Variants in ANO3 observed in about 807,000 individuals in gnomAD.
ANO3 encodes the protein anoctamin-3.
In ANO3, 99 loss-of-function variants were observed where a neutral mutation model predicts 144.8. That is an observed-to-expected ratio of 0.68 (90% CI 0.58 to 0.81). ANO3 has a LOEUF of 0.81. ANO3 is among the 30% of genes least tolerant of loss of function. The probability of loss-of-function intolerance (pLI) is 0.00; values close to 1 mark genes in which losing one functional copy is unlikely to be tolerated. For synonymous variants in ANO3, 414 were observed against 392.6 expected (o/e 1.05, Z -0.64); for missense variants, 905 against 1,202.2 (o/e 0.75, Z 3.66).
chr11:26,438,418 A>G (rs533811058), intron 1 of ANO3, among the ~76,000 whole-genome samples: 2 of 151,960 alleles, frequency 1.3e-5, no homozygotes, highest in Admixed American at 1.3e-4. Context: ...ACTTACCCCC[A>G]AAGTGATTAT....
At chr11:26,415,630 T>A (rs1490441299) in intron 1 of ANO3, among the ~76,000 whole-genome samples, 1 of 152,062 alleles carries the variant, frequency 6.6e-6, no homozygotes, top group Non-Finnish European at 1.5e-5. Context: ...ATTTTCCTTT[T>A]TAAAGAATAG....
chr11:26,229,339 C>T (rs934877296), intron 1 of ANO3, among the ~76,000 whole-genome samples: 2 of 152,032 alleles, frequency 1.3e-5, no homozygotes, highest in Non-Finnish European at 2.9e-5. Context: ...TGGTATGATG[C>T]GTAGATCTGC....
intron 1 of ANO3, among the ~76,000 whole-genome samples, chr11:26,251,338 T>G (rs746753455): frequency 4.6e-5 from 7 of 152,164 alleles, no homozygotes; most frequent in Non-Finnish European, 7.4e-5. Context: ...GCTATCTAAT[T>G]CTAGGTCTTA....
At chr11:26,306,707 C>T (rs989261362), upstream of ANO3, among the ~76,000 whole-genome samples, 2 of 152,142 alleles carry the variant, frequency 1.3e-5, no homozygotes, top group African/African-American at 4.8e-5. Context: ...GAATTGCCCC[C>T]AAAATCAGTA....
chr11:26,210,804 A>G, intron 1 of ANO3, among the ~76,000 whole-genome samples: 1 of 152,016 alleles, frequency 6.6e-6, no homozygotes, highest in East Asian at 1.9e-4. Flanking sequence ...GGTGTATAGG[A>G]ATGCTTGTGA....
rs914580920 is a variant in ANO3, at chr11:26,654,993, C to A, written c.2577-1132C>A. ...CTATAGAAAATTTAAACTTATCTTTCTGCCCCCACTGCCTCAAAAGTTTGA... is the reference window on the plus strand; with the variant it reads ...CTATAGAAAATTTAAACTTATCTTTATGCCCCCACTGCCTCAAAAGTTTGA... On this transcript the variant is annotated intron_variant, in intron 24 of 26. Coordinates refer to ENST00000256737, the MANE Select transcript of ANO3 (RefSeq NM_031418.4). 2.9e-4 allele frequency among the ~76,000 whole-genome samples: 44 copies of A among 151,728 alleles called. 1 individual carries two copies. Among genetic ancestry groups the A allele is most frequent in the Admixed American group, 2.6e-3 (39 of 15,164 alleles).
intron 1 of ANO3, among the ~76,000 whole-genome samples, chr11:26,381,017 A>G (rs1856576633): frequency 6.6e-6 from 1 of 152,054 alleles, no homozygotes; most frequent in Admixed American, 6.6e-5. Context: ...AAAGAAAAAC[A>G]CAATCTAAAT....
At chr11:26,329,033 C>A (rs1273819187), upstream of ANO3, among the ~76,000 whole-genome samples, 3 of 151,532 alleles carry the variant, frequency 2.0e-5, no homozygotes, top group African/African-American at 7.3e-5. Flanking sequence ...ATATAAAATA[C>A]ACATTTTGCA....
intron 3 of ANO3, among the ~76,000 whole-genome samples, chr11:26,457,453 G>A (rs952461566): frequency 6.6e-6 from 1 of 151,512 alleles, no homozygotes; most frequent in Non-Finnish European, 1.5e-5. Flanking sequence ...GACTTTTTTG[G>A]TAGCCCTAAA....
intron 1 of ANO3, among the ~76,000 whole-genome samples, chr11:26,359,102 G>A (rs1855858585): frequency 6.6e-6 from 1 of 152,166 alleles, no homozygotes; most frequent in South Asian, 2.1e-4. Flanking sequence ...TGCTTTGAAT[G>A]TCTAAAAATT....
chr11:26,418,955 A>G (rs895289537), intron 1 of ANO3, among the ~76,000 whole-genome samples: 1 of 152,120 alleles, frequency 6.6e-6, no homozygotes, highest in East Asian at 1.9e-4. Context: ...AATTTTCTGT[A>G]TTAGTCTATT....
At chr11:26,349,773 C>G (rs1427541064) in intron 1 of ANO3, among the ~76,000 whole-genome samples, 1 of 152,116 alleles carries the variant, frequency 6.6e-6, no homozygotes, top group African/African-American at 2.4e-5. Flanking sequence ...TGGTCTCGAT[C>G]TCCTGACCTC....
At chr11:26,247,181 A>G (rs1053173090) in intron 1 of ANO3, among the ~76,000 whole-genome samples, 2 of 152,188 alleles carry the variant, frequency 1.3e-5, no homozygotes, top group Non-Finnish European at 2.9e-5. Context: ...TAAAAGACCA[A>G]TTATATTTTT....
At chr11:26,512,629 A>G (rs1861709774) in intron 5 of ANO3, among the ~76,000 whole-genome samples, 1 of 152,252 alleles carries the variant, frequency 6.6e-6, no homozygotes, top group Non-Finnish European at 1.5e-5. Flanking sequence ...TAAGACTTAC[A>G]AAATGAGAAA....
intron 12 of ANO3, 28 bp from the exon 13 acceptor site, chr11:26,553,221 T>TG (rs1445862365): frequency 8.4e-7 from 1 of 1,197,360 alleles, no homozygotes; most frequent in Non-Finnish European, 1.2e-6. Context: ...TATGTTTTGT[T>TG]TTGTTTTTGT....
chr11:26,517,017 C>T, intron 6 of ANO3, 90 bp downstream of exon 6: 1 of 628,412 alleles, frequency 1.6e-6, no homozygotes, highest in Admixed American at 3.7e-5. Flanking sequence ...GCAACCCCTT[C>T]TACAGAGAAA....
At chr11:26,508,950 CT>C (rs896944871) in intron 5 of ANO3, among the ~76,000 whole-genome samples, 2 of 151,840 alleles carry the variant, frequency 1.3e-5, no homozygotes, top group Non-Finnish European at 2.9e-5. Flanking sequence ...ATACGCTTCT[CT>C]CCTTTGGTGG....
At chr11:26,463,177 A>AT in intron 4 of ANO3, 29 bp downstream of exon 4, 3 of 1,174,266 alleles carry the variant, frequency 2.6e-6, no homozygotes, top group Non-Finnish European at 3.7e-6. Flanking sequence ...TCAATAAGTC[A>AT]TTTTTAGAGC....
At chr11:26,403,235 A>T (rs1424442943) in intron 1 of ANO3, among the ~76,000 whole-genome samples, 2 of 151,864 alleles carry the variant, frequency 1.3e-5, no homozygotes, top group Non-Finnish European at 2.9e-5. Flanking sequence ...GGTATTTTAT[A>T]TTTCCCTAAG....
Sources: allele counts gnomAD v4.1 joint callset (sites outside exome capture counted in the v4.1 genomes callset), GRCh38; gene constraint gnomAD v4.1.1; transcripts MANE v1.5; gene names NCBI Gene and HGNC (gene_info 2026-07-23, HGNC 2026-07-21).